The following KCNIP1 variants were observed in gnomAD, a reference collection of about 807,000 sequenced individuals.
KCNIP1 encodes A-type potassium channel modulatory protein KCNIP1.
A neutral mutation model predicts 33.0 loss-of-function variants in KCNIP1; 18 were observed. The ratio of observed to expected loss-of-function variants is 0.55; its 90% CI spans 0.38 to 0.81. The LOEUF (loss-of-function observed/expected upper bound fraction) is 0.81, where lower values mean the gene tolerates loss of function less well. Among genes scored for constraint, KCNIP1 ranks in the 30% least tolerant of loss-of-function variants. KCNIP1 has a pLI of 0.00. For synonymous variants in KCNIP1, 93 were observed against 98.3 expected (o/e 0.95, Z 0.32); for missense variants, 238 against 271.6 (o/e 0.88, Z 0.87).
At chr5:170,501,942 C>T (rs1757421454), upstream of KCNIP1, among the ~76,000 whole-genome samples, 1 of 152,176 alleles carries the variant, frequency 6.6e-6, no homozygotes, top group African/African-American at 2.4e-5. Context: ...GCCTCCCTGG[C>T]CTGGACAAGC....
intron 1 of KCNIP1, among the ~76,000 whole-genome samples, chr5:170,360,572 C>A (rs6555897): frequency 0.17 from 25,522 of 152,210 alleles, 2,234 homozygotes; most frequent in African/African-American, 0.21. Context: ...AAGGCTGAGC[C>A]TCTGTGGGTC....
Position 170,571,414 on chromosome 5 carries a change from G to T in KCNIP1, c.61+66781G>T, listed in dbSNP as rs530379664. Among the ~76,000 whole-genome samples the T allele has an allele frequency of 4.6e-5, 7 of 152,278 alleles. No homozygotes were observed. In the East Asian group the frequency reaches 5.8e-4, roughly 13 times the overall value. ...CAGCACCTTTCTCTCCTGCCTTCTT[G>T]CCTGTGCGCAGGCTTTTCCCCAACT... On this transcript the variant is annotated intron_variant, in intron 1 of 7. Coordinates refer to ENST00000328939, the MANE Select transcript of KCNIP1 (RefSeq NM_014592.4).
intron 1 of KCNIP1, among the ~76,000 whole-genome samples, chr5:170,570,627 A>C (rs1040534566): frequency 6.6e-6 from 1 of 152,232 alleles, no homozygotes; most frequent in African/African-American, 2.4e-5. Context: ...CCTGCTCAAA[A>C]GGGCTCAAAG....
At chr5:170,398,495 GTCT>G (rs1161586244) in intron 1 of KCNIP1, among the ~76,000 whole-genome samples, 1 of 152,186 alleles carries the variant, frequency 6.6e-6, no homozygotes, top group Non-Finnish European at 1.5e-5. Context: ...GGAAATATGT[GTCT>G]TTTGGCTAGG....
At chr5:170,499,220 G>A (rs969670694), upstream of KCNIP1, among the ~76,000 whole-genome samples, 2 of 152,136 alleles carry the variant, frequency 1.3e-5, no homozygotes, top group Non-Finnish European at 2.9e-5. Context: ...ACCAGATGGG[G>A]ACCCTGAGAA....
intron 1 of KCNIP1, among the ~76,000 whole-genome samples, chr5:170,445,302 T>TTGAATGAATGAATGAA (rs58668795): frequency 6.6e-6 from 1 of 151,782 alleles, no homozygotes; most frequent in Non-Finnish European, 1.5e-5. Context: ...TGCTCATTCG[T>TTGAATGAATGAATGAA]TGAATGAATG....
chr5:170,354,168 G>A (rs548871153), intron 1 of KCNIP1, among the ~76,000 whole-genome samples: 2 of 152,314 alleles, frequency 1.3e-5, no homozygotes, highest in Non-Finnish European at 2.9e-5. Flanking sequence ...TCAGCTGGCT[G>A]TAATTGCCTG....
chr5:170,667,846 T>G (rs770214784), intron 1 of KCNIP1, among the ~76,000 whole-genome samples: 1 of 152,238 alleles, frequency 6.6e-6, no homozygotes, highest in Non-Finnish European at 1.5e-5. Flanking sequence ...CTGTTTTTAT[T>G]ACTTCATCAT....
At chr5:170,394,182 G>C (rs1754691938) in intron 1 of KCNIP1, among the ~76,000 whole-genome samples, 1 of 152,108 alleles carries the variant, frequency 6.6e-6, no homozygotes, top group Admixed American at 6.5e-5. Context: ...AGGACTCCCC[G>C]CTGGGGCCTT....
chr5:170,476,545 A>C (rs752811399), intron 1 of KCNIP1, among the ~76,000 whole-genome samples: 1 of 152,196 alleles, frequency 6.6e-6, no homozygotes, highest in Non-Finnish European at 1.5e-5. Flanking sequence ...ATTTTTGTTT[A>C]GCCTTAAAAA....
chr5:170,363,606 C>G (rs905437748), intron 1 of KCNIP1, among the ~76,000 whole-genome samples: 2 of 152,190 alleles, frequency 1.3e-5, no homozygotes, highest in Admixed American at 6.5e-5. Flanking sequence ...ATTTAACTAC[C>G]CAGTCTGCGA....
At chr5:170,358,774 C>A (rs1418693542) in intron 1 of KCNIP1, among the ~76,000 whole-genome samples, 2 of 152,202 alleles carry the variant, frequency 1.3e-5, no homozygotes, top group Non-Finnish European at 2.9e-5. Flanking sequence ...TTGCAATCAC[C>A]ATTTCAGCAG....
At chr5:170,439,687 G>A (rs547128914) in intron 1 of KCNIP1, among the ~76,000 whole-genome samples, 1 of 152,336 alleles carries the variant, frequency 6.6e-6, no homozygotes, top group East Asian at 1.9e-4. Flanking sequence ...GTACTCCTGG[G>A]TCGAGCTGCA....
intron 1 of KCNIP1, among the ~76,000 whole-genome samples, chr5:170,666,995 T>C (rs138586031): frequency 2.6e-5 from 4 of 152,332 alleles, no homozygotes; most frequent in African/African-American, 9.6e-5. Flanking sequence ...GAGAAAGGCC[T>C]GGTAAGAAAC....
At chr5:170,493,978 C>A (rs1342754913) in intron 1 of KCNIP1, among the ~76,000 whole-genome samples, 2 of 152,178 alleles carry the variant, frequency 1.3e-5, no homozygotes, top group Non-Finnish European at 2.9e-5. Context: ...GAGCAGGGGC[C>A]CGGTGGCTGC....
In KCNIP1 at chr5:170,504,161, G is replaced by C. The variant is rs1017373749; in HGVS notation, c.-412G>C. 93 of 1,004,498 alleles carry C rather than the reference G, an allele frequency of 9.3e-5. No individual in the cohort carries two copies. The highest frequency in any genetic ancestry group is 7.8e-4 in the Admixed American group (13 of 16,750). 62.2% of individuals were successfully genotyped at this position (1,004,498 alleles called of 1,614,324 possible). ...CAGCCCGAGCGCAGGGAGGGGAGCC[G>C]AGTGTGCGGCAGGAGGGGCGGGCGG... On this transcript the variant is annotated 5_prime_UTR_variant, in exon 1 of 8. Coordinates refer to ENST00000328939, the MANE Select transcript of KCNIP1 (RefSeq NM_014592.4). This position sits in a 1 kb window ranked among gnomAD's most constrained non-coding sequence, Gnocchi z 6.0.
intron 1 of KCNIP1, among the ~76,000 whole-genome samples, chr5:170,632,625 ACAAAC>A (rs1561730343): frequency 6.6e-6 from 1 of 152,256 alleles, no homozygotes; most frequent in African/African-American, 2.4e-5. Context: ...AGAGACCAGC[ACAAAC>A]CAGTGTCAGC....
chr5:170,561,941 T>A (rs759902856), intron 1 of KCNIP1, among the ~76,000 whole-genome samples: 2 of 152,184 alleles, frequency 1.3e-5, no homozygotes, highest in Non-Finnish European at 2.9e-5. Flanking sequence ...TAATCCATCA[T>A]AAAGTCAATA....
intron 1 of KCNIP1, among the ~76,000 whole-genome samples, chr5:170,449,725 G>A (rs566468503): frequency 6.6e-6 from 1 of 152,314 alleles, no homozygotes; most frequent in Admixed American, 6.5e-5. Flanking sequence ...GTTGGGATTA[G>A]AAGTAGCAGC....
Sources: gnomAD v4.1 joint callset for allele counts (sites outside exome capture counted in the v4.1 genomes callset) on GRCh38, gnomAD v4.1.1 for gene constraint, Gnocchi (gnomAD v3.1) non-coding constraint, MANE v1.5 for transcripts, NCBI Gene and HGNC (gene_info 2026-07-23, HGNC 2026-07-21) for gene names.